CADM2: variants seen among roughly 807,000 people sequenced by gnomAD.
CADM2 encodes cell adhesion molecule 2.
A neutral mutation model predicts 49.8 loss-of-function variants in CADM2; 12 were observed. That is an observed-to-expected ratio of 0.24 (90% CI 0.15 to 0.39). CADM2 has a LOEUF of 0.39. Among genes scored for constraint, CADM2 ranks in the 10% least tolerant of loss-of-function variants. The pLI is 1.00. For synonymous variants in CADM2, 214 were observed against 175.4 expected, an observed-to-expected ratio of 1.22 and a Z score of -1.74; for missense variants, 378 against 492.3, an observed-to-expected ratio of 0.77 and a Z score of 2.20.
intron 1 of CADM2, among the ~76,000 whole-genome samples, chr3:85,586,237 A>G (rs1480918166): frequency 6.6e-6 from 1 of 152,056 alleles, no homozygotes; most frequent in East Asian, 1.9e-4. Context: ...TTCACAATGG[A>G]GCCTGCTGAG....
At chr3:85,786,005 G>A (rs1413052588) in intron 2 of CADM2, among the ~76,000 whole-genome samples, 9 of 152,052 alleles carry the variant, frequency 5.9e-5, no homozygotes, top group African/African-American at 1.4e-4. Context: ...CAGGAGTTCC[G>A]GATACTAGAG....
intron 1 of CADM2, among the ~76,000 whole-genome samples, chr3:85,051,700 A>T (rs1238413852): frequency 6.6e-6 from 1 of 152,192 alleles, no homozygotes; most frequent in East Asian, 1.9e-4. Context: ...ACCTTTCCAC[A>T]AATTTCCATC....
At chr3:85,539,737 T>C (rs1404653364) in intron 1 of CADM2, among the ~76,000 whole-genome samples, 6 of 152,110 alleles carry the variant, frequency 3.9e-5, no homozygotes, top group Admixed American at 2.6e-4. Flanking sequence ...TAATTAAAGA[T>C]AAACCATGTT....
chr3:85,248,050 G>A (rs903025029), intron 1 of CADM2, among the ~76,000 whole-genome samples: 2 of 151,930 alleles, frequency 1.3e-5, no homozygotes, highest in Non-Finnish European at 2.9e-5. Flanking sequence ...GATAGATTGT[G>A]CATCATATTT....
At position 85,568,514 on chromosome 3, in the gene CADM2, T is replaced by TCTTTCCTC. The variant is rs1553743642; in HGVS notation, c.62-158007_62-158006insTTTCCTCC. 2.2e-4 allele frequency among the ~76,000 whole-genome samples: 28 copies of TCTTTCCTC among 129,520 alleles called. 4 individuals carry two copies. The highest frequency in any genetic ancestry group is 1.1e-3 in the African/African-American group (27 of 25,514). The allele number at this position is 129,520 out of a possible 152,430, so 85.0% of individuals were successfully genotyped here. ...TTCTTTCTTTCTTTCTTTCTTTCTT[T>TCTTTCCTC]CCTCCCTCCCTCCCTCTCTCTTTTC... is the stretch of plus-strand genomic sequence containing the variant. On this transcript the variant is annotated intron_variant, in intron 1 of 9. Coordinates refer to ENST00000383699, the MANE Select transcript of CADM2 (RefSeq NM_001167675.2).
At chr3:85,218,052 A>AT (rs2041969032) in intron 1 of CADM2, among the ~76,000 whole-genome samples, 1 of 152,112 alleles carries the variant, frequency 6.6e-6, no homozygotes, top group South Asian at 2.1e-4. Context: ...TCAATTACTT[A>AT]TGTTATGCAG....
rs563446083 is a variant in CADM2 at position 85,715,253 on chromosome 3, C to T, written c.62-11269C>T. Among the ~76,000 whole-genome samples the T allele has an allele frequency of 8.5e-5, 13 of 152,244 alleles. No homozygotes were observed. The South Asian group carries it at 2.3e-3, about 27-fold the overall frequency. ...CTACATGACAGTCATGACAATGAGA[C>T]CTTTGTTGGCTCAAAAATTTTTCAA... On this transcript the variant is annotated intron_variant, in intron 1 of 9. Transcript: ENST00000383699.
At chr3:85,580,495 G>A (rs554972169) in intron 1 of CADM2, among the ~76,000 whole-genome samples, 1 of 152,192 alleles carries the variant, frequency 6.6e-6, no homozygotes, top group South Asian at 2.1e-4. Flanking sequence ...GGAATGAAAG[G>A]GTGATGCGGG....
chr3:85,697,538 A>G (rs2066608307), intron 1 of CADM2, among the ~76,000 whole-genome samples: 1 of 152,206 alleles, frequency 6.6e-6, no homozygotes, highest in South Asian at 2.1e-4. Flanking sequence ...AAGGTAAAGA[A>G]AAAATATGTT....
At chr3:86,014,978 C>A in intron 8 of CADM2, 1 of 1,261,040 alleles carries the variant, frequency 7.9e-7, no homozygotes, top group Non-Finnish European at 1.1e-6. Context: ...CTTTGACAGA[C>A]CAAAGTTCGA....
intron 1 of CADM2, among the ~76,000 whole-genome samples, chr3:85,460,709 C>T (rs920438843): frequency 2.0e-5 from 3 of 149,684 alleles, no homozygotes; most frequent in African/African-American, 7.3e-5. Context: ...GAATTATTTT[C>T]GTGTGTGGGT....
intron 5 of CADM2, among the ~76,000 whole-genome samples, chr3:85,892,175 A>G (rs1714531304): frequency 1.3e-5 from 2 of 152,216 alleles, no homozygotes; most frequent in South Asian, 2.1e-4. Flanking sequence ...ATGGATGACA[A>G]TGGAATTTTT....
chr3:85,693,723 C>CAAAAAA lies in CADM2; in HGVS notation c.62-32781_62-32776dup, dbSNP rs397807084. Among the ~76,000 whole-genome samples, 247 of 66,514 alleles carry CAAAAAA rather than the reference C, an allele frequency of 3.7e-3. 5 individuals are homozygous for CAAAAAA. The highest frequency in any genetic ancestry group is 4.4e-3 in the Non-Finnish European group (159 of 35,790). 43.6% of individuals were successfully genotyped at this position (66,514 alleles called of 152,430 possible). The stretch of plus-strand genomic sequence containing the variant: ...CAACATGGTAAAACCACGTATCTAC[C>CAAAAAA]AAAAAAAAAAAAAAAAAAAAAAATT... On this transcript the variant is annotated intron_variant, in intron 1 of 9. Transcript: ENST00000383699.
At chr3:85,021,689 C>A (rs1224975295) in intron 1 of CADM2, among the ~76,000 whole-genome samples, 1 of 152,042 alleles carries the variant, frequency 6.6e-6, no homozygotes, top group Admixed American at 6.6e-5. Context: ...GCAGGAGAAT[C>A]GCTTGAACCC....
At chr3:85,476,408 C>A (rs1038104120) in intron 1 of CADM2, among the ~76,000 whole-genome samples, 1 of 151,804 alleles carries the variant, frequency 6.6e-6, no homozygotes, top group African/African-American at 2.4e-5. Context: ...GAAAATATTT[C>A]TCCATTTTAA....
At chr3:85,923,889 G>T (rs1331879975) in intron 6 of CADM2, among the ~76,000 whole-genome samples, 1 of 152,120 alleles carries the variant, frequency 6.6e-6, no homozygotes, top group East Asian at 1.9e-4. Context: ...AATTTAAATA[G>T]CCACATGTGA....
intron 7 of CADM2, among the ~76,000 whole-genome samples, chr3:85,940,269 G>C (rs1243463025): frequency 6.6e-6 from 1 of 151,802 alleles, no homozygotes. Flanking sequence ...AACCTGGGAG[G>C]TGGAAGTTGC....
intron 1 of CADM2, among the ~76,000 whole-genome samples, chr3:85,697,071 T>TATATATATATGCC (rs6147937): frequency 0.64 from 90,537 of 141,336 alleles, 29,527 homozygotes; most frequent in African/African-American, 0.73. Context: ...GTCTTAATTA[T>TATATATATATGCC]ATATATATAT....
intron 1 of CADM2, among the ~76,000 whole-genome samples, chr3:85,694,300 AATC>A (rs1445385830): frequency 2.6e-5 from 4 of 152,228 alleles, no homozygotes; most frequent in Admixed American, 2.6e-4. Flanking sequence ...GATTAAATGA[AATC>A]ATAAGGATGG....
Sources: gnomAD v4.1 joint callset for allele counts (sites outside exome capture counted in the v4.1 genomes callset) on GRCh38, gnomAD v4.1.1 for gene constraint, MANE v1.5 for transcripts, NCBI Gene and HGNC (gene_info 2026-07-23, HGNC 2026-07-21) for gene names.